The following TSNAX variants were observed in gnomAD, a reference collection of about 807,000 sequenced individuals.
TSNAX encodes translin associated factor X.
Under a neutral mutation model 33.0 loss-of-function variants are expected in TSNAX, and 12 were observed. That is an observed-to-expected ratio of 0.36 (90% CI 0.23 to 0.59). The LOEUF is 0.59. Among genes scored for constraint, TSNAX ranks in the 20% least tolerant of loss-of-function variants. TSNAX has a pLI of 0.74. For missense variants in TSNAX, 267 were observed against 341.3 expected (o/e 0.78, Z 1.72); for synonymous variants, 110 against 117.2 (o/e 0.94, Z 0.40).
intron 2 of TSNAX, chr1:231,535,315 A>G (rs1474652658): frequency 2.0e-5 from 3 of 152,234 alleles, no homozygotes; most frequent in African/African-American, 7.2e-5. Flanking sequence ...GTCTTTCTTC[A>G]GTTAAATTTA....
At chr1:231,552,855 G>A (rs1660415495) in intron 4 of TSNAX, among the ~76,000 whole-genome samples, 3 of 152,226 alleles carry the variant, frequency 2.0e-5, no homozygotes, top group Admixed American at 6.5e-5. Context: ...ACCATGTATG[G>A]CCTCTTGCGT....
chr1:231,559,978 TA>T (rs1239617206), intron 4 of TSNAX, among the ~76,000 whole-genome samples: 102 of 148,960 alleles, frequency 6.8e-4, no homozygotes, highest in African/African-American at 2.4e-3. Flanking sequence ...TTATTATTAT[TA>T]TTATTATTTT....
rs201073158 is a variant in TSNAX at position 231,566,186 on chromosome 1, G to A, written c.*1281G>A. ...AATACTAAGTTAATCCAGACCTTTA[G>A]TTGTCCCATGGTGTTAATAAAGTTG... is the stretch of plus-strand genomic sequence containing the variant. On this transcript the variant is annotated 3_prime_UTR_variant, in exon 6 of 6. Transcript: ENST00000366639. The A allele has an allele frequency of 3.9e-5, 6 of 152,430 alleles. No homozygotes were observed. The highest frequency in any genetic ancestry group is 8.8e-5 in the Non-Finnish European group (6 of 68,008). 9.4% of individuals were successfully genotyped at this position (152,430 alleles called of 1,614,324 possible). A position where few individuals can be genotyped will look rare whatever the true frequency, so the allele number is the denominator to read the frequency against.
intron 4 of TSNAX, among the ~76,000 whole-genome samples, chr1:231,548,135 C>A (rs1237280023): frequency 6.6e-6 from 1 of 152,198 alleles, no homozygotes; most frequent in African/African-American, 2.4e-5. Flanking sequence ...GCCTGGCCAC[C>A]ATTGCTTTCT....
chr1:231,563,966 G>A (rs199854220), intron 5 of TSNAX, among the ~76,000 whole-genome samples: 109 of 152,114 alleles, frequency 7.2e-4, no homozygotes, highest in Non-Finnish European at 9.3e-4. Context: ...AAGGACTAAT[G>A]AGTATATTTT....
rs1661319224 is a variant in TSNAX, at chr1:231,564,682, T to C, written c.650T>C (p.Val217Ala). Residue 217 changes from valine (V) to alanine (A), a missense_variant, in exon 6 of 6, where the codon GTG becomes GCG. Around this residue, in one of 2 missense-constraint regions of TSNAX, gnomAD observed 67 missense variants for 127.2 expected, o/e 0.53. Coordinates refer to ENST00000366639, the MANE Select transcript of TSNAX (RefSeq NM_005999.3). ...GGGGACATTGATACCCCCTTTGAAGTGAGCCAGTTTTTACGTCAGGTTTAT... is the reference window on the plus strand; with the variant it reads ...GGGGACATTGATACCCCCTTTGAAGCGAGCCAGTTTTTACGTCAGGTTTAT... ...GNGDIDTPFEVSQFLRQVYDG... is the reference protein window; with the variant it reads ...GNGDIDTPFEASQFLRQVYDG... The C allele has an allele frequency of 6.2e-7, 1 of 1,614,020 alleles. No homozygotes were observed. The highest frequency in any genetic ancestry group is 1.7e-5 in the Admixed American group (1 of 59,992).
Position 231,542,575 on chromosome 1 carries a change from G to A in TSNAX, c.331G>A (p.Glu111Lys). ...IFQVAQELSGEDMHQFHRAIT... is the reference protein window; with the variant it reads ...IFQVAQELSGKDMHQFHRAIT... Reference sequence around the variant, plus strand: ...CCAGGTAGCCCAAGAGCTATCAGGGGAAGATATGCATCAGTTCCATCGAGC... The same window carrying A: ...CCAGGTAGCCCAAGAGCTATCAGGGAAAGATATGCATCAGTTCCATCGAGC... The change falls in exon 4 of 6, where the codon GAA becomes AAA. Residue 111 changes from glutamate (E) to lysine (K), a missense_variant. This residue lies in a region of TSNAX where 200 missense variants were observed against 214.1 expected (regional missense o/e 0.93). Transcript: ENST00000366639. The A allele has an allele frequency of 6.2e-7, 1 of 1,613,994 alleles. No individual in the cohort carries two copies. Among genetic ancestry groups the A allele is most frequent in the Non-Finnish European group, 8.5e-7 (1 of 1,179,948 alleles).
Position 231,559,689 on chromosome 1 carries a change from G to A in TSNAX, c.368-1439G>A, listed in dbSNP as rs147678054. ...AGTACTGTAGACATGTAACAAAATT[G>A]CACTTGTGCCCTTTACATTTATATA... On this transcript the variant is annotated intron_variant, in intron 4 of 5. Transcript: ENST00000366639. Among the ~76,000 whole-genome samples, 923 of 152,162 alleles carry A rather than the reference G, an allele frequency of 6.1e-3. 9 individuals are homozygous for A. The highest frequency in any genetic ancestry group is 0.021 in the African/African-American group (877 of 41,498).
chr1:231,547,998 G>A (rs188864537), intron 4 of TSNAX, among the ~76,000 whole-genome samples: 2,003 of 151,830 alleles, frequency 0.013, 51 homozygotes, highest in African/African-American at 0.046. Context: ...CCGCTACCAC[G>A]CCCGGCTAAT....
At chr1:231,539,831 G>C (rs577176738) in intron 3 of TSNAX, among the ~76,000 whole-genome samples, 1 of 152,122 alleles carries the variant, frequency 6.6e-6, no homozygotes, top group South Asian at 2.1e-4. Flanking sequence ...AGAAAAATAA[G>C]AAACTTAAGA....
At chr1:231,545,552 T>A (rs199519326) in intron 4 of TSNAX, among the ~76,000 whole-genome samples, 28 of 151,190 alleles carry the variant, frequency 1.9e-4, no homozygotes, top group Non-Finnish European at 3.7e-4. Flanking sequence ...GTCCTGTCAT[T>A]TTTTTTTTCC....
intron 4 of TSNAX, chr1:231,554,572 A>G (rs1228186773): frequency 6.6e-6 from 1 of 152,228 alleles, no homozygotes; most frequent in African/African-American, 2.4e-5. Flanking sequence ...TGAAGAGACG[A>G]GTGCCGCCTT....
rs758353791 is a variant in TSNAX at position 231,542,610 on chromosome 1, A to G, written c.366A>G (p.Thr122=). 8 of 1,613,258 alleles carry G rather than the reference A, an allele frequency of 5.0e-6. No homozygotes were observed. Among genetic ancestry groups the G allele is most frequent in the Non-Finnish European group, 6.8e-6 (8 of 1,179,666 alleles). ...DMHQFHRAIT[T]GLQEYVEAVS... ...ATCAGTTCCATCGAGCCATTACTAC[A>G]GGTAAGTCTAGGTTTGTTTCAGGGT... The change falls in exon 4 of 6, where the codon ACA becomes ACG. Residue 122 remains threonine (T), a splice_region_variant and synonymous_variant. Transcript: ENST00000366639.
chr1:231,549,931 G>A (rs1660187791), intron 4 of TSNAX, among the ~76,000 whole-genome samples: 1 of 152,126 alleles, frequency 6.6e-6, no homozygotes, highest in African/African-American at 2.4e-5. Flanking sequence ...GTCTGAGATC[G>A]AGGTGTTGGC....
chr1:231,551,502 G>A (rs563933338), intron 4 of TSNAX, among the ~76,000 whole-genome samples: 16 of 152,244 alleles, frequency 1.1e-4, no homozygotes, highest in Admixed American at 5.2e-4. Flanking sequence ...TTTATGGAAA[G>A]CATTTATTTT....
chr1:231,563,699 A>G (rs1290162781), intron 5 of TSNAX: 2 of 149,258 alleles, frequency 1.3e-5, no homozygotes, highest in African/African-American at 2.5e-5. Context: ...GTTGTGAGAA[A>G]TTGTGCTAGG....
intron 4 of TSNAX, among the ~76,000 whole-genome samples, chr1:231,556,849 T>C (rs1166615691): frequency 6.6e-6 from 1 of 152,216 alleles, no homozygotes; most frequent in Admixed American, 6.5e-5. Flanking sequence ...GACTTAACTA[T>C]AGCATGAATT....
chr1:231,534,224 T>C (rs551151882), intron 2 of TSNAX: 5 of 152,324 alleles, frequency 3.3e-5, no homozygotes, highest in African/African-American at 9.6e-5. Context: ...TTTGTTGATT[T>C]GTTCTTTTTG....
chr1:231,537,772 G>C (rs1659278833), intron 3 of TSNAX, among the ~76,000 whole-genome samples: 1 of 151,354 alleles, frequency 6.6e-6, no homozygotes, highest in South Asian at 2.1e-4. Flanking sequence ...AAAGTCTGTA[G>C]GGGTTGGGTG....
Sources: gnomAD v4.1 joint callset for allele counts (sites outside exome capture counted in the v4.1 genomes callset) on GRCh38, gnomAD v4.1.1 for gene constraint, gnomAD v4.1.1 regional missense constraint, MANE v1.5 for transcripts, NCBI Gene and HGNC (gene_info 2026-07-23, HGNC 2026-07-21) for gene names.